ZFAT: variants seen among roughly 807,000 people sequenced by gnomAD.
ZFAT encodes the protein zinc finger protein ZFAT.
A neutral mutation model predicts 117.7 loss-of-function variants in ZFAT; 64 were observed. The observed-to-expected ratio is 0.54, with a 90% CI of 0.44 to 0.67. ZFAT has a LOEUF of 0.67. ZFAT is among the 30% of genes least tolerant of loss of function. The pLI, the probability that ZFAT is intolerant of heterozygous loss-of-function variation, is 0.00. For missense variants in ZFAT, 1,433 were observed against 1,584.5 expected, an observed-to-expected ratio of 0.90 and a Z score of 1.62; for synonymous variants, 679 against 615.0, an observed-to-expected ratio of 1.10 and a Z score of -1.54.
At chr8:134,792,069 T>C in the ZFAT span, 53 of 152,286 alleles carry the variant, frequency 3.5e-4, no homozygotes, top group Admixed American at 1.8e-3. Flanking sequence ...ATTGGTAGAA[T>C]AGAAAGGAGA....
At chr8:134,636,845 G>T (rs1286093674) in intron 3 of ZFAT, among the ~76,000 whole-genome samples, 1 of 152,222 alleles carries the variant, frequency 6.6e-6, no homozygotes, top group African/African-American at 2.4e-5. Flanking sequence ...TTTAGAAGCT[G>T]CTTCAGAGCT....
the ZFAT span, among the ~76,000 whole-genome samples, chr8:134,827,620 T>C: frequency 6.6e-6 from 1 of 151,858 alleles, no homozygotes; most frequent in African/African-American, 2.4e-5. Context: ...ATACAAAAAT[T>C]AGACAGGCGT....
At chr8:134,664,219 C>T (rs953857170) in intron 1 of ZFAT, among the ~76,000 whole-genome samples, 6 of 151,892 alleles carry the variant, frequency 4.0e-5, no homozygotes, top group Non-Finnish European at 5.9e-5. Flanking sequence ...CAGTACAGGA[C>T]GGAGGGTCAG....
At chr8:134,792,252 T>G in the ZFAT span, 4 of 152,234 alleles carry the variant, frequency 2.6e-5, no homozygotes, top group Admixed American at 2.6e-4. Flanking sequence ...TTCTCTAACC[T>G]TCTACCTTTC....
chr8:134,802,762 T>G, the ZFAT span, among the ~76,000 whole-genome samples: 1 of 152,214 alleles, frequency 6.6e-6, no homozygotes, highest in Non-Finnish European at 1.5e-5. Flanking sequence ...CTAAGTCCTA[T>G]CAATGAATAC....
the ZFAT span, among the ~76,000 whole-genome samples, chr8:134,783,497 T>C: frequency 7.6e-4 from 116 of 152,288 alleles, 1 homozygote; most frequent in African/African-American, 2.6e-3. Context: ...ATGGAAAAAC[T>C]GTCTTCCACA....
chr8:134,486,636 A>G (rs1007299984), intron 15 of ZFAT, among the ~76,000 whole-genome samples: 6 of 152,064 alleles, frequency 3.9e-5, no homozygotes, highest in African/African-American at 1.4e-4. Flanking sequence ...AGTTCTCAGA[A>G]CCTGCTGGGA....
intron 7 of ZFAT, chr8:134,599,602 A>T (rs899080419): frequency 5.4e-6 from 2 of 371,816 alleles, no homozygotes; most frequent in East Asian, 1.5e-4. Context: ...CAAACACCTG[A>T]CTTTACCCTT....
chr8:134,749,409 T>C, the ZFAT span, among the ~76,000 whole-genome samples: 2 of 152,296 alleles, frequency 1.3e-5, no homozygotes, highest in East Asian at 3.9e-4. Flanking sequence ...GTTTGGTGTA[T>C]GGTGAGGGCC....
At chr8:134,514,768 G>C (rs1232715039) in intron 13 of ZFAT, among the ~76,000 whole-genome samples, 2 of 152,184 alleles carry the variant, frequency 1.3e-5, no homozygotes, top group Non-Finnish European at 2.9e-5. Flanking sequence ...AAACCTCCAT[G>C]TGTCCATTAA....
upstream of ZFAT, among the ~76,000 whole-genome samples, chr8:134,715,508 C>A (rs905888229): frequency 6.6e-6 from 1 of 152,230 alleles, no homozygotes. Context: ...ACAGCTGGCT[C>A]TTCCACGGCC....
the ZFAT span, among the ~76,000 whole-genome samples, chr8:134,815,131 T>C: frequency 5.3e-5 from 8 of 152,344 alleles, no homozygotes; most frequent in Non-Finnish European, 1.0e-4. Flanking sequence ...TTAATGCTTC[T>C]ATGTGATCAA....
At chr8:134,718,396 G>A in the ZFAT span, among the ~76,000 whole-genome samples, 2 of 152,086 alleles carry the variant, frequency 1.3e-5, no homozygotes, top group African/African-American at 2.4e-5. Context: ...TACTTGGGAG[G>A]CTGAGGCAGG....
At chr8:134,603,718 T>C (rs139842169) in intron 5 of ZFAT, among the ~76,000 whole-genome samples, 175 of 152,298 alleles carry the variant, frequency 1.1e-3, no homozygotes, top group Middle Eastern at 6.8e-3. Flanking sequence ...GGGGTGAGCA[T>C]GGGATACAGC....
intron 8 of ZFAT, among the ~76,000 whole-genome samples, chr8:134,589,652 T>C (rs980105799): frequency 2.6e-5 from 4 of 152,248 alleles, no homozygotes; most frequent in Middle Eastern, 3.4e-3. Context: ...TGTGTGACGT[T>C]AGCAGGGGTG....
intron 1 of ZFAT, among the ~76,000 whole-genome samples, chr8:134,669,128 G>T (rs552961190): frequency 6.6e-6 from 1 of 152,202 alleles, no homozygotes; most frequent in Non-Finnish European, 1.5e-5. Flanking sequence ...ACGTCTGATC[G>T]CTGTACCTGA....
the ZFAT span, among the ~76,000 whole-genome samples, chr8:134,773,990 T>A: frequency 1.6e-5 from 1 of 63,154 alleles, no homozygotes; most frequent in Non-Finnish European, 3.5e-5. Context: ...ATTAATTTTT[T>A]TTTTTTTTTT....
At chr8:134,530,866 A>T (rs1821355188) in intron 12 of ZFAT, among the ~76,000 whole-genome samples, 1 of 152,182 alleles carries the variant, frequency 6.6e-6, no homozygotes, top group Non-Finnish European at 1.5e-5. Flanking sequence ...TCTGGAGATG[A>T]TTTAAAGTAC....
chr8:134,691,617 T>C (rs1258529855), intron 1 of ZFAT, among the ~76,000 whole-genome samples: 1 of 152,222 alleles, frequency 6.6e-6, no homozygotes, highest in Non-Finnish European at 1.5e-5. Context: ...CTCAGCTCCA[T>C]CCTAGCTTTC....
Sources: allele counts gnomAD v4.1 joint callset (sites outside exome capture counted in the v4.1 genomes callset), GRCh38; gene constraint gnomAD v4.1.1; transcripts MANE v1.5; gene names NCBI Gene and HGNC (gene_info 2026-07-23, HGNC 2026-07-21).